OSBPL10: variants seen among roughly 807,000 people sequenced by gnomAD.
OSBPL10 encodes oxysterol binding protein like 10.
In OSBPL10, 49 loss-of-function variants were observed where a neutral mutation model predicts 81.7. The observed-to-expected ratio is 0.60, with a 90% CI of 0.48 to 0.76. The LOEUF (loss-of-function observed/expected upper bound fraction) is 0.76. OSBPL10 is among the 30% of genes least tolerant of loss of function. The pLI is 0.00. For synonymous variants in OSBPL10, 419 were observed against 383.6 expected (o/e 1.09, Z -1.08); for missense variants, 923 against 987.8 (o/e 0.93, Z 0.88).
Position 31,774,733 on chromosome 3 carries a change from G to A in OSBPL10, c.730-26613C>T, listed in dbSNP as rs551503896. On this transcript the variant is annotated intron_variant, in intron 4 of 11. Transcript: ENST00000396556. ...TCACCATGTTGTCCAGGCTGGTCTC[G>A]CACTCCTGACCTCATGATGGGACCG... Among the ~76,000 whole-genome samples, 17 of 151,348 alleles carry A rather than the reference G, an allele frequency of 1.1e-4. No individual in the cohort carries two copies. In the South Asian group the frequency reaches 1.3e-3, roughly 11 times the overall value.
chr3:31,775,942 T>G (rs1053143302), intron 4 of OSBPL10, among the ~76,000 whole-genome samples: 3 of 152,070 alleles, frequency 2.0e-5, no homozygotes, highest in Non-Finnish European at 2.9e-5. Flanking sequence ...TGATGCAATA[T>G]GAATTCCAAG....
intron 1 of OSBPL10, among the ~76,000 whole-genome samples, chr3:31,931,642 T>C (rs957856414): frequency 6.6e-6 from 1 of 152,238 alleles, no homozygotes; most frequent in Non-Finnish European, 1.5e-5. Flanking sequence ...TAATTCCAAT[T>C]ACACTAGAAG....
rs182163162 is a variant in OSBPL10 at position 32,022,382 on chromosome 3, A to G, written n.298+24109T>C. 9.2e-5 allele frequency among the ~76,000 whole-genome samples: 14 copies of G among 152,322 alleles called. No individual in the cohort carries two copies. The East Asian group carries it at 1.7e-3, about 19-fold the overall frequency. ...TAAGGGTTTTTTAGGATGGCGAGGC[A>G]GTTACAGGCAAAGTCATAAATCAAT... On this transcript the variant is annotated intron_variant and non_coding_transcript_variant, in intron 2 of 3. Transcript: ENST00000479173.
At chr3:31,873,301 C>T (rs1701378715) in intron 3 of OSBPL10, among the ~76,000 whole-genome samples, 1 of 152,040 alleles carries the variant, frequency 6.6e-6, no homozygotes, top group Admixed American at 6.5e-5. Flanking sequence ...AGCAAAGCAA[C>T]ATAATTTTTG....
intron 4 of OSBPL10, among the ~76,000 whole-genome samples, chr3:31,809,869 C>CTTTTTTTTTTTTTTTTTTTTTTTTTTTT (rs34795137): frequency 1.1e-4 from 11 of 98,620 alleles, no homozygotes; most frequent in African/African-American, 5.4e-4. Flanking sequence ...CCCCCTGACT[C>CTTTTTTTTTTTTTTTTTTTTTTTTTTTT]TTTTTTTTTT....
In OSBPL10 at chr3:31,785,624, C is replaced by T. The variant is rs77334258; in HGVS notation, c.730-37504G>A. Among the ~76,000 whole-genome samples, 1,208 of 152,038 alleles carry T rather than the reference C, an allele frequency of 7.9e-3. 14 individuals carry two copies. Among genetic ancestry groups the T allele is most frequent in the Non-Finnish European group, 0.012 (793 of 68,014 alleles). ...TGGGTGACTCTGAACAAACCACCGA[C>T]CTCTCTGAGCCGTTTTTTTTTCTTT... On this transcript the variant is annotated intron_variant, in intron 4 of 11. Coordinates refer to ENST00000396556, the MANE Select transcript of OSBPL10 (RefSeq NM_017784.5).
chr3:31,688,391 G>A (rs1390449545), intron 7 of OSBPL10, among the ~76,000 whole-genome samples: 1 of 150,912 alleles, frequency 6.6e-6, no homozygotes, highest in African/African-American at 2.4e-5. Context: ...GTAGCTCCCT[G>A]CTCTGTGAAG....
intron 1 of OSBPL10, among the ~76,000 whole-genome samples, chr3:31,958,777 A>G (rs1229336007): frequency 6.6e-6 from 1 of 152,112 alleles, no homozygotes; most frequent in Non-Finnish European, 1.5e-5. Flanking sequence ...AATCCAGCCC[A>G]CCACTTATTT....
intron 2 of OSBPL10, among the ~76,000 whole-genome samples, chr3:32,040,928 C>A (rs374471351): frequency 2.0e-5 from 3 of 152,184 alleles, no homozygotes; most frequent in Non-Finnish European, 1.5e-5. Flanking sequence ...CAGAGAGGTA[C>A]AGGAGATTAT....
At chr3:31,809,911 G>A (rs1246699919) in intron 4 of OSBPL10, among the ~76,000 whole-genome samples, 1 of 73,118 alleles carries the variant, frequency 1.4e-5, no homozygotes, top group Non-Finnish European at 2.4e-5. Flanking sequence ...TGCTTTTGTT[G>A]CCCAGGCTGG....
intron 4 of OSBPL10, among the ~76,000 whole-genome samples, chr3:31,797,119 C>T (rs1035216456): frequency 1.3e-5 from 2 of 150,966 alleles, no homozygotes; most frequent in African/African-American, 2.4e-5. Flanking sequence ...CTCAGCCTCT[C>T]GAGTAGCTGG....
chr3:31,990,328 T>C (rs1559544466), intron 2 of OSBPL10: 1 of 1,614,068 alleles, frequency 6.2e-7, no homozygotes, highest in Non-Finnish European at 8.5e-7. Context: ...TGCAAATCAT[T>C]GGAGAATCCA....
chr3:31,951,844 C>A (rs937518645), intron 1 of OSBPL10, among the ~76,000 whole-genome samples: 8 of 151,956 alleles, frequency 5.3e-5, no homozygotes, highest in Admixed American at 2.0e-4. Context: ...ACAAACTAAG[C>A]TTTTCATTAA....
chr3:32,068,486 T>G (rs1699799118), intron 1 of OSBPL10, among the ~76,000 whole-genome samples: 2 of 146,140 alleles, frequency 1.4e-5, no homozygotes. Flanking sequence ...CCACCCTCCA[T>G]TCCTCCTTCT....
chr3:31,948,783 G>A (rs2125440528), intron 1 of OSBPL10, among the ~76,000 whole-genome samples: 1 of 152,294 alleles, frequency 6.6e-6, no homozygotes, highest in East Asian at 1.9e-4. Context: ...TGTACAGTGT[G>A]TACAATCTGG....
chr3:31,740,606 A>G (rs1443064695), intron 5 of OSBPL10, among the ~76,000 whole-genome samples: 1 of 151,946 alleles, frequency 6.6e-6, no homozygotes, highest in East Asian at 1.9e-4. Flanking sequence ...AAAATAGGTT[A>G]AAGAATGCTT....
At chr3:31,847,888 G>A (rs1185323345) in intron 3 of OSBPL10, among the ~76,000 whole-genome samples, 15 of 152,202 alleles carry the variant, frequency 9.9e-5, no homozygotes, top group Non-Finnish European at 1.5e-5. Context: ...CAGCCAACCT[G>A]CAAGACCAGA....
chr3:31,986,364 A>G (rs1183432014), intron 2 of OSBPL10: 2 of 152,250 alleles, frequency 1.3e-5, no homozygotes, highest in African/African-American at 2.4e-5. Context: ...TGACGTGTAC[A>G]TGCAACCTTA....
chr3:31,701,776 T>G (rs1257912996), intron 7 of OSBPL10: 2 of 152,514 alleles, frequency 1.3e-5, no homozygotes, highest in African/African-American at 4.8e-5. Flanking sequence ...GTTGGTGAGG[T>G]TCCTCAGGAA....
Sources: gnomAD v4.1 joint callset for allele counts (sites outside exome capture counted in the v4.1 genomes callset) on GRCh38, gnomAD v4.1.1 for gene constraint, MANE v1.5 for transcripts, NCBI Gene and HGNC (gene_info 2026-07-23, HGNC 2026-07-21) for gene names.